RABGAP1L: variants seen among roughly 807,000 people sequenced by gnomAD.
RABGAP1L encodes RAB GTPase activating protein 1 like.
RABGAP1L carries 63 observed loss-of-function variants against 137.7 expected under a neutral mutation model. The observed-to-expected ratio is 0.46, with a 90% CI of 0.37 to 0.56. RABGAP1L has a LOEUF of 0.56. Ranked by LOEUF, RABGAP1L falls within the 20% of genes least tolerant of loss-of-function variation. The probability of loss-of-function intolerance (pLI) is 0.00; values close to 1 mark genes in which losing one functional copy is unlikely to be tolerated. For synonymous variants in RABGAP1L, 431 were observed against 433.7 expected (o/e 0.99, Z 0.08); for missense variants, 1,095 against 1,244.0 (o/e 0.88, Z 1.80).
intron 19 of RABGAP1L, among the ~76,000 whole-genome samples, chr1:174,838,554 C>G (rs1306008442): frequency 6.6e-6 from 1 of 152,094 alleles, no homozygotes; most frequent in Non-Finnish European, 1.5e-5. Flanking sequence ...GATGTTCTTT[C>G]TTAGGAAATT....
chr1:174,386,166 A>G (rs1686756436), intron 12 of RABGAP1L, among the ~76,000 whole-genome samples: 1 of 152,210 alleles, frequency 6.6e-6, no homozygotes, highest in South Asian at 2.1e-4. Context: ...ATGGCTACAG[A>G]GGTAATAACT....
At chr1:174,300,529 C>CAA (rs34220318) in intron 10 of RABGAP1L, among the ~76,000 whole-genome samples, 26,575 of 83,910 alleles carry the variant, frequency 0.32, 4,137 homozygotes, top group African/African-American at 0.39. Flanking sequence ...AACTCCATCT[C>CAA]AAAAAAAAAA....
chr1:174,806,774 A>G (rs1689342029), intron 18 of RABGAP1L, among the ~76,000 whole-genome samples: 1 of 152,150 alleles, frequency 6.6e-6, no homozygotes, highest in Non-Finnish European at 1.5e-5. Context: ...AATGCTTGAC[A>G]TTCATAAAGC....
At chr1:174,729,133 A>T (rs969548934) in intron 17 of RABGAP1L, among the ~76,000 whole-genome samples, 5 of 152,242 alleles carry the variant, frequency 3.3e-5, no homozygotes, top group Non-Finnish European at 5.9e-5. Flanking sequence ...ATAGACACAT[A>T]GACCAAAGGA....
chr1:174,302,074 T>A (rs1287629397), intron 10 of RABGAP1L, among the ~76,000 whole-genome samples: 3 of 152,216 alleles, frequency 2.0e-5, no homozygotes, highest in Non-Finnish European at 4.4e-5. Context: ...AAGGATCAGC[T>A]AATGTAAAAG....
intron 12 of RABGAP1L, among the ~76,000 whole-genome samples, chr1:174,375,876 C>A (rs1685485637): frequency 6.6e-6 from 1 of 151,932 alleles, no homozygotes; most frequent in South Asian, 2.1e-4. Flanking sequence ...ACCAGCCTAG[C>A]CAACATAATG....
At position 174,322,101 on chromosome 1, in the gene RABGAP1L, C is replaced by G. The variant is rs1214493334; in HGVS notation, c.1465+16974C>G. On this transcript the variant is annotated intron_variant, in intron 11 of 25. Transcript: ENST00000681986. ...TTTAATTTTATGAAGTCTAATTTGG[C>G]AATTCTTTTCCTTTATGATTTATAT... is the stretch of plus-strand genomic sequence containing the variant. 3.9e-5 allele frequency among the ~76,000 whole-genome samples: 6 copies of G among 152,144 alleles called. No homozygotes were observed. In the South Asian group the frequency reaches 1.2e-3, roughly 32 times the overall value.
intron 19 of RABGAP1L, among the ~76,000 whole-genome samples, chr1:174,814,424 T>C (rs1047374778): frequency 1.3e-5 from 2 of 152,176 alleles, no homozygotes; most frequent in African/African-American, 4.8e-5. Context: ...ATTTATAACA[T>C]ATAATTGTAG....
At chr1:174,482,178 A>G (rs1659163920) in intron 13 of RABGAP1L, among the ~76,000 whole-genome samples, 1 of 152,230 alleles carries the variant, frequency 6.6e-6, no homozygotes, top group South Asian at 2.1e-4. Context: ...AGGAAAGGCA[A>G]ATAAAAGGCA....
chr1:174,712,231 G>A (rs769894514), intron 17 of RABGAP1L, among the ~76,000 whole-genome samples: 3 of 152,132 alleles, frequency 2.0e-5, no homozygotes, highest in East Asian at 1.9e-4. Flanking sequence ...CAGGCTGCCC[G>A]AGCAGTCACC....
intron 10 of RABGAP1L, among the ~76,000 whole-genome samples, chr1:174,297,012 A>T (rs562878155): frequency 3.3e-5 from 5 of 152,282 alleles, no homozygotes; most frequent in African/African-American, 1.2e-4. Flanking sequence ...ATAATTCTGT[A>T]TTCTGCTGGT....
intron 10 of RABGAP1L, among the ~76,000 whole-genome samples, chr1:174,296,399 T>C (rs2148736673): frequency 6.6e-6 from 1 of 152,342 alleles, no homozygotes; most frequent in East Asian, 1.9e-4. Context: ...ACTCTCTTCT[T>C]GTACTTTTCC....
intron 19 of RABGAP1L, among the ~76,000 whole-genome samples, chr1:174,916,073 T>G: frequency 6.6e-6 from 1 of 150,614 alleles, no homozygotes; most frequent in Admixed American, 6.6e-5. Flanking sequence ...AAATTTTTCT[T>G]TAGTTTTTTT....
At chr1:174,947,543 G>T (rs900864991) in intron 19 of RABGAP1L, among the ~76,000 whole-genome samples, 1 of 151,760 alleles carries the variant, frequency 6.6e-6, no homozygotes, top group Non-Finnish European at 1.5e-5. Context: ...TCAGCCTCCC[G>T]AGTAGCTGGG....
chr1:174,916,103 G>A (rs893832291), intron 19 of RABGAP1L, among the ~76,000 whole-genome samples: 3 of 134,824 alleles, frequency 2.2e-5, no homozygotes, highest in Non-Finnish European at 4.8e-5. Flanking sequence ...GGTATGGTAT[G>A]AGGTAAGGGT....
intron 18 of RABGAP1L, among the ~76,000 whole-genome samples, chr1:174,762,583 G>A (rs530446822): frequency 2.6e-5 from 4 of 152,160 alleles, no homozygotes; most frequent in Non-Finnish European, 5.9e-5. Context: ...ATGGTTGGTT[G>A]GTTGTTGTCT....
chr1:174,559,700 A>G lies in RABGAP1L; in HGVS notation c.1711-77675A>G, dbSNP rs564419443. On this transcript the variant is annotated intron_variant, in intron 13 of 25. Transcript: ENST00000681986. Reference sequence around the variant, plus strand: ...GGTCAGTTCTTTTGGTTCTGGTTCTATTGAAGTCCTCATGATGAGAAACAG... The same window carrying G: ...GGTCAGTTCTTTTGGTTCTGGTTCTGTTGAAGTCCTCATGATGAGAAACAG... 7.9e-5 allele frequency among the ~76,000 whole-genome samples: 12 copies of G among 152,246 alleles called. No individual in the cohort carries two copies. The South Asian group carries it at 8.3e-4, about 11-fold the overall frequency.
At chr1:174,173,625 A>G in intron 1 of RABGAP1L, among the ~76,000 whole-genome samples, 1 of 151,986 alleles carries the variant, frequency 6.6e-6, no homozygotes, top group East Asian at 1.9e-4. Flanking sequence ...ATGGCTTTTT[A>G]TACAGTTGGT....
chr1:174,528,551 G>C (rs1484392297), intron 13 of RABGAP1L, among the ~76,000 whole-genome samples: 2 of 145,712 alleles, frequency 1.4e-5, no homozygotes, highest in Admixed American at 1.4e-4. Context: ...GGTCAGTAAG[G>C]TTTCTGCAAA....
Sources: gnomAD v4.1 joint callset for allele counts (sites outside exome capture counted in the v4.1 genomes callset) on GRCh38, gnomAD v4.1.1 for gene constraint, MANE v1.5 for transcripts, NCBI Gene and HGNC (gene_info 2026-07-23, HGNC 2026-07-21) for gene names.